Variants in DIP2C observed in about 807,000 individuals in gnomAD.
The protein encoded by DIP2C is DIP2 acetate--CoA ligase C (putative).
DIP2C carries 33 observed loss-of-function variants against 192.4 expected under a neutral mutation model. The observed-to-expected ratio is 0.17, with a 90% CI of 0.13 to 0.23. The LOEUF (loss-of-function observed/expected upper bound fraction) is 0.23, where lower values mean the gene tolerates loss of function less well. Ranked by LOEUF, DIP2C falls within the 10% of genes least tolerant of loss-of-function variation. The pLI, the probability that DIP2C is intolerant of heterozygous loss-of-function variation, is 1.00. For missense variants in DIP2C, 1,537 were observed against 2,110.1 expected, an observed-to-expected ratio of 0.73 and a Z score of 5.32; for synonymous variants, 979 against 864.1, an observed-to-expected ratio of 1.13 and a Z score of -2.33.
At chr10:570,971 G>GGAGCCCCGGCAGCAA (rs1475691253) in intron 1 of DIP2C, among the ~76,000 whole-genome samples, 3 of 152,184 alleles carry the variant, frequency 2.0e-5, no homozygotes, top group African/African-American at 7.2e-5. Context: ...GACTCCCACC[G>GGAGCCCCGGCAGCAA]GAGCCCCGGC....
chr10:302,767 G>C (rs1178347619), intron 32 of DIP2C, among the ~76,000 whole-genome samples: 1 of 152,188 alleles, frequency 6.6e-6, no homozygotes, highest in Non-Finnish European at 1.5e-5. Flanking sequence ...AAAAGGCACA[G>C]TAAAACATGC....
chr10:584,344 GAA>G (rs948128064), intron 1 of DIP2C, among the ~76,000 whole-genome samples: 2 of 151,922 alleles, frequency 1.3e-5, no homozygotes, highest in African/African-American at 2.4e-5. Flanking sequence ...GTGTTTTTAG[GAA>G]ATCAGTTGAC....
chr10:492,147 G>C (rs1844493680), intron 1 of DIP2C, among the ~76,000 whole-genome samples: 1 of 152,234 alleles, frequency 6.6e-6, no homozygotes, highest in Admixed American at 6.5e-5. Flanking sequence ...CCGTGTCGGA[G>C]ACACTCCAGC....
intron 1 of DIP2C, among the ~76,000 whole-genome samples, chr10:561,494 CAG>C (rs1849214853): frequency 6.6e-6 from 1 of 152,226 alleles, no homozygotes; most frequent in Admixed American, 6.5e-5. Context: ...ATCAACATCA[CAG>C]AATGTTCCTC....
At chr10:669,217 G>A (rs1857298110) in intron 1 of DIP2C, 2 of 152,090 alleles carry the variant, frequency 1.3e-5, no homozygotes, top group Non-Finnish European at 2.9e-5. Context: ...CAAAGAAAAA[G>A]TTCTTTCCCA....
In DIP2C at chr10:392,751, TACACACACAC is replaced by T. The variant is rs367655607; in HGVS notation, c.1261-1898_1261-1889del. 1.7e-4 allele frequency among the ~76,000 whole-genome samples: 25 copies of T among 150,248 alleles called. No homozygotes were observed. The East Asian group carries it at 3.5e-3, about 21-fold the overall frequency. On this transcript the variant is annotated intron_variant, in intron 10 of 36. Coordinates refer to ENST00000280886, the MANE Select transcript of DIP2C (RefSeq NM_014974.3). Reference sequence around the variant, plus strand: ...AGGTACACACGCGCACACACTCACATACACACACACACACTTAACACTCTCACACGCGCCC... The same window carrying T: ...AGGTACACACGCGCACACACTCACATACACTTAACACTCTCACACGCGCCC...
chr10:688,017 C>T (rs1282284114), intron 1 of DIP2C, among the ~76,000 whole-genome samples: 2 of 152,204 alleles, frequency 1.3e-5, no homozygotes, highest in African/African-American at 4.8e-5. Context: ...TGGGCCGAGA[C>T]GCAAGCCGGG....
chr10:289,234 G>A (rs1485384422), intron 32 of DIP2C, among the ~76,000 whole-genome samples: 1 of 151,702 alleles, frequency 6.6e-6, no homozygotes, highest in African/African-American at 2.4e-5. Flanking sequence ...GGGGCCTGTG[G>A]GCTCCTGAGA....
At chr10:580,443 A>C (rs1279698111) in intron 1 of DIP2C, among the ~76,000 whole-genome samples, 1 of 152,210 alleles carries the variant, frequency 6.6e-6, no homozygotes, top group Non-Finnish European at 1.5e-5. Flanking sequence ...ATGGCGTTAA[A>C]TACATGCATG....
At chr10:416,947 G>A (rs1564683025) in intron 6 of DIP2C, among the ~76,000 whole-genome samples, 1 of 152,066 alleles carries the variant, frequency 6.6e-6, no homozygotes, top group Non-Finnish European at 1.5e-5. Context: ...ACATTTGCGG[G>A]GAATAGAACA....
At chr10:658,235 C>T (rs1318751671) in intron 1 of DIP2C, among the ~76,000 whole-genome samples, 16 of 149,786 alleles carry the variant, frequency 1.1e-4, no homozygotes, top group South Asian at 2.1e-4. Flanking sequence ...CTGGACCTGC[C>T]GCTGGACCTG....
intron 1 of DIP2C, among the ~76,000 whole-genome samples, chr10:565,354 T>TA (rs59721670): frequency 0.13 from 14,627 of 114,058 alleles, 1,035 homozygotes; most frequent in Admixed American, 0.14. Context: ...ACCTGCATTC[T>TA]AAAAAAAAAA....
intron 1 of DIP2C, among the ~76,000 whole-genome samples, chr10:657,691 C>T (rs1293940720): frequency 3.0e-5 from 4 of 133,806 alleles, no homozygotes; most frequent in African/African-American, 1.1e-4. Context: ...GATGCTGGAC[C>T]TGACACTGGA....
At chr10:361,828 T>C (rs1959554579) in intron 22 of DIP2C, among the ~76,000 whole-genome samples, 1 of 152,170 alleles carries the variant, frequency 6.6e-6, no homozygotes, top group African/African-American at 2.4e-5. Context: ...TGCCCATGGC[T>C]TGAGCGGCTC....
intron 1 of DIP2C, among the ~76,000 whole-genome samples, chr10:591,482 A>G (rs1246471004): frequency 1.3e-5 from 2 of 152,140 alleles, no homozygotes; most frequent in African/African-American, 4.8e-5. Flanking sequence ...TTTGTTAAAA[A>G]CCAGTTATAT....
chr10:470,536 CCT>C (rs1358409946), intron 3 of DIP2C, among the ~76,000 whole-genome samples: 4 of 152,186 alleles, frequency 2.6e-5, no homozygotes, highest in African/African-American at 4.8e-5. Flanking sequence ...ACTACACCCA[CCT>C]CTCTCAGGCT....
intron 1 of DIP2C, among the ~76,000 whole-genome samples, chr10:679,429 CTGTA>C (rs1831030670): frequency 1.1e-5 from 1 of 89,664 alleles, no homozygotes; most frequent in Non-Finnish European, 2.2e-5. Context: ...CCGCGCCCAT[CTGTA>C]CTCCCCACAC....
chr10:529,389 C>A (rs1847243807), intron 1 of DIP2C, among the ~76,000 whole-genome samples: 1 of 152,164 alleles, frequency 6.6e-6, no homozygotes, highest in Non-Finnish European at 1.5e-5. Flanking sequence ...CAGAGTGGTG[C>A]CAAGTATTTA....
intron 1 of DIP2C, among the ~76,000 whole-genome samples, chr10:688,756 CCTCCATAAGACCGCGGTGG>C (rs1182878684): frequency 1.3e-5 from 2 of 152,250 alleles, no homozygotes; most frequent in East Asian, 3.9e-4. Flanking sequence ...CGTACACAAC[CCTCCATAAGACCGCGGTGG>C]CTGATCTGCC....
Sources: gnomAD v4.1 joint callset for allele counts (sites outside exome capture counted in the v4.1 genomes callset) on GRCh38, gnomAD v4.1.1 for gene constraint, MANE v1.5 for transcripts, NCBI Gene and HGNC (gene_info 2026-07-23, HGNC 2026-07-21) for gene names.